The following AFAP1L2 variants were observed in gnomAD, a reference collection of about 807,000 sequenced individuals.
AFAP1L2 encodes the protein actin filament-associated protein 1-like 2.
A neutral mutation model predicts 99.3 loss-of-function variants in AFAP1L2; 46 were observed. The ratio of observed to expected loss-of-function variants is 0.46; its 90% CI spans 0.37 to 0.59. The LOEUF (loss-of-function observed/expected upper bound fraction) is 0.59. AFAP1L2 is among the 20% of genes least tolerant of loss of function. AFAP1L2 has a pLI of 0.00. For synonymous variants in AFAP1L2, 397 were observed against 419.1 expected (o/e 0.95, Z 0.64); for missense variants, 959 against 1,034.9 (o/e 0.93, Z 1.01).
At chr10:114,366,458 A>G (rs920060283) in intron 1 of AFAP1L2, among the ~76,000 whole-genome samples, 8 of 152,222 alleles carry the variant, frequency 5.3e-5, no homozygotes, top group South Asian at 4.1e-4. Flanking sequence ...GATTTCTGAA[A>G]ATGGAAAGAG....
chr10:114,292,513 GTTAT>G (rs1350783199), downstream of AFAP1L2, among the ~76,000 whole-genome samples: 1 of 150,806 alleles, frequency 6.6e-6, no homozygotes, highest in African/African-American at 2.4e-5. Context: ...AGAAATGTTG[GTTAT>G]TTATTAAACA....
At chr10:114,327,008 G>T (rs1327823706) in intron 4 of AFAP1L2, among the ~76,000 whole-genome samples, 2 of 150,562 alleles carry the variant, frequency 1.3e-5, no homozygotes, top group African/African-American at 4.9e-5. Flanking sequence ...TAAATGATGA[G>T]TCACATGATT....
At chr10:114,322,677 C>A (rs541651073) in intron 5 of AFAP1L2, among the ~76,000 whole-genome samples, 1 of 152,192 alleles carries the variant, frequency 6.6e-6, no homozygotes, top group Non-Finnish European at 1.5e-5. Context: ...TTTTCTCTCA[C>A]GGAATGTCAG....
At chr10:114,404,413 C>G (rs1167171779) in intron 1 of AFAP1L2, 27 bp downstream of exon 1, 16 of 1,539,152 alleles carry the variant, frequency 1.0e-5, no homozygotes, top group Non-Finnish European at 1.3e-5. Flanking sequence ...AGTGGGTGTG[C>G]GCCGCGCGAG....
intron 1 of AFAP1L2, among the ~76,000 whole-genome samples, chr10:114,359,529 C>T (rs777561111): frequency 2.6e-5 from 4 of 152,186 alleles, no homozygotes; most frequent in Non-Finnish European, 5.9e-5. Context: ...TCAACTTTCC[C>T]CGCACCCTGC....
chr10:114,387,697 G>T (rs928848065), intron 1 of AFAP1L2, among the ~76,000 whole-genome samples: 5 of 152,190 alleles, frequency 3.3e-5, no homozygotes, highest in African/African-American at 1.2e-4. Flanking sequence ...GTCCAAGCCT[G>T]ATATGAACCC....
At chr10:114,369,919 T>C (rs2053870840) in intron 1 of AFAP1L2, among the ~76,000 whole-genome samples, 1 of 152,180 alleles carries the variant, frequency 6.6e-6, no homozygotes, top group Admixed American at 6.5e-5. Flanking sequence ...TTATTTTGGG[T>C]TCTACCTGCC....
chr10:114,349,843 T>G (rs2050197072), intron 1 of AFAP1L2, among the ~76,000 whole-genome samples: 1 of 152,162 alleles, frequency 6.6e-6, no homozygotes, highest in Non-Finnish European at 1.5e-5. Flanking sequence ...TTGCTAGCAC[T>G]GTGAATGCTC....
chr10:114,376,866 G>C (rs1289537425), intron 1 of AFAP1L2, among the ~76,000 whole-genome samples: 3 of 152,174 alleles, frequency 2.0e-5, no homozygotes, highest in Non-Finnish European at 4.4e-5. Context: ...ATCAGCTAGA[G>C]ACTGAGAAAC....
At chr10:114,285,849 C>T in the AFAP1L2 span, 1 of 1,347,222 alleles carries the variant, frequency 7.4e-7, no homozygotes. Context: ...GCACCATCTC[C>T]CTCCTGGGAG....
At position 114,377,202 on chromosome 10, in the gene AFAP1L2, C is replaced by T. The variant is rs1474831861; in HGVS notation, c.16+27238G>A. On this transcript the variant is annotated intron_variant, in intron 1 of 18. Coordinates refer to ENST00000304129, the MANE Select transcript of AFAP1L2 (RefSeq NM_001001936.3). This position sits in a 1 kb window ranked among gnomAD's most constrained non-coding sequence, Gnocchi z 4.0. The stretch of plus-strand genomic sequence containing the variant: ...AACCAAATATGAGATACTATGAACT[C>T]CATCTAACCTAGCACACAAACAGTT... Among the ~76,000 whole-genome samples, 1 of 152,224 alleles carries T rather than the reference C, an allele frequency of 6.6e-6. No homozygotes were observed. Among genetic ancestry groups the T allele is most frequent in the Non-Finnish European group, 1.5e-5 (1 of 68,040 alleles).
At chr10:114,294,781 C>G (rs150577415), downstream of AFAP1L2, 1,562 of 963,282 alleles carry the variant, frequency 1.6e-3, 22 homozygotes, top group African/African-American at 0.026. Flanking sequence ...CCTTGAGAAC[C>G]CCCCAGGCCC....
the AFAP1L2 span, among the ~76,000 whole-genome samples, chr10:114,287,854 T>A: frequency 6.6e-6 from 1 of 152,180 alleles, no homozygotes; most frequent in Non-Finnish European, 1.5e-5. Flanking sequence ...ATTTAGTGAA[T>A]CCATGCTTAT....
intron 1 of AFAP1L2, among the ~76,000 whole-genome samples, chr10:114,350,280 T>C (rs2050263864): frequency 6.6e-6 from 1 of 152,210 alleles, no homozygotes; most frequent in South Asian, 2.1e-4. Flanking sequence ...TACCTGTCCA[T>C]CCGGCCCAAT....
At chr10:114,351,685 C>A (rs549831195) in intron 1 of AFAP1L2, among the ~76,000 whole-genome samples, 1 of 152,202 alleles carries the variant, frequency 6.6e-6, no homozygotes, top group East Asian at 1.9e-4. Context: ...GGGCCACCCC[C>A]CTGCCCCAAG....
downstream of AFAP1L2, chr10:114,290,392 G>A (rs2039459126): frequency 1.3e-6 from 2 of 1,549,560 alleles, no homozygotes; most frequent in South Asian, 2.4e-5. Flanking sequence ...CTCTGTATGT[G>A]TGAGCCAGGG....
Position 114,313,991 on chromosome 10 carries a change from G to C in AFAP1L2, c.672C>G (p.Ser224Arg), listed in dbSNP as rs777604453. ...PQLDVNLLGSSVIHKEKQVRK... is the reference protein window; with the variant it reads ...PQLDVNLLGSRVIHKEKQVRK... ...GCACTTGCTTCTCCTTGTGAATGACGCTGCTGCCCAGTAGGTTCACGTCCA... is the reference window on the plus strand; with the variant it reads ...GCACTTGCTTCTCCTTGTGAATGACCCTGCTGCCCAGTAGGTTCACGTCCA... The change falls in exon 7 of 19, where the codon AGC becomes AGG. Residue 224 changes from serine (S) to arginine (R), a missense_variant. By Grantham distance (110) the Ser-to-Arg change is moderately radical. Around this residue, in one of 2 missense-constraint regions of AFAP1L2, gnomAD observed 383 missense variants for 472.8 expected, o/e 0.81. Transcript: ENST00000304129. 2.5e-6 allele frequency: 4 copies of C among 1,614,018 alleles called. No homozygotes were observed. The highest frequency in any genetic ancestry group is 2.2e-5 in the East Asian group (1 of 44,848).
chr10:114,356,388 C>T (rs2051389364), intron 1 of AFAP1L2, among the ~76,000 whole-genome samples: 1 of 151,890 alleles, frequency 6.6e-6, no homozygotes, highest in East Asian at 1.9e-4. Flanking sequence ...ACTTCGGTTT[C>T]CCCCGCCAAA....
rs777369040 is a variant in AFAP1L2 at position 114,308,521 on chromosome 10, T to C, written c.883-4A>G. 5 of 1,613,788 alleles carry C rather than the reference T, an allele frequency of 3.1e-6. No individual in the cohort carries two copies. In the East Asian group the frequency reaches 6.7e-5, roughly 22 times the overall value. On this transcript the variant is annotated splice_polypyrimidine_tract_variant and splice_region_variant and intron_variant, in intron 8 of 18. Transcript: ENST00000304129. ...GGTACTTCTCAGCTATATCTGGCTA[T>C]GGACAAAAGCGACATGAATGGGGAT...
Sources: allele counts gnomAD v4.1 joint callset (sites outside exome capture counted in the v4.1 genomes callset), GRCh38; gene constraint gnomAD v4.1.1; regional missense constraint gnomAD v4.1.1; non-coding constraint Gnocchi (gnomAD v3.1); transcripts MANE v1.5; gene names NCBI Gene and HGNC (gene_info 2026-07-23, HGNC 2026-07-21).